Variants in ZNF41 observed in about 807,000 individuals in gnomAD.
The protein encoded by ZNF41 is zinc finger protein 41.
ZNF41 carries 6 observed loss-of-function variants against 9.3 expected under a neutral mutation model. The ratio of observed to expected loss-of-function variants is 0.65; its 90% confidence interval spans 0.35 to 1.28. The LOEUF (loss-of-function observed/expected upper bound fraction) is 1.28, where lower values mean the gene tolerates loss of function less well. Among genes scored for constraint, ZNF41 ranks in the 50% most tolerant of loss-of-function variants. ZNF41 has a pLI of 0.03. For synonymous variants in ZNF41, 192 were observed against 207.1 expected, an observed-to-expected ratio of 0.93 and a Z score of 0.63; for missense variants, 523 against 585.8, an observed-to-expected ratio of 0.89 and a Z score of 1.11.
chrX:47,471,378 G>A (rs956718240), intron 1 of ZNF41, among the ~76,000 whole-genome samples: 1 of 109,566 alleles, frequency 9.1e-6, no homozygotes, highest in African/African-American at 3.3e-5. Context: ...GAACCTGGGA[G>A]GCGGGGGTTA....
rs199987366 is a variant in ZNF41 at position 47,466,210 on chromosome X, T to A, written c.72+1200A>T. ...GTTATAAAATGACCAAAAAAAAAAA[T>A]TTAAAAGTTTAATATTATCCTAATG... On this transcript the variant is annotated intron_variant, in intron 2 of 4. Coordinates refer to ENST00000684689, the MANE Select transcript of ZNF41 (RefSeq NM_001324144.2). Among the ~76,000 whole-genome samples, 3 of 103,836 alleles carry A rather than the reference T, an allele frequency of 2.9e-5. No homozygotes were observed. In the East Asian group the frequency reaches 9.2e-4, roughly 32 times the overall value. The allele number at this position is 103,836 out of a possible 115,157, so 90.2% of individuals were successfully genotyped here. A position where few individuals can be genotyped will look rare whatever the true frequency, so the allele number is the denominator to read the frequency against.
At chrX:47,463,516 G>A (rs1284315335) in intron 2 of ZNF41, among the ~76,000 whole-genome samples, 2 of 111,161 alleles carry the variant, frequency 1.8e-5, no homozygotes, top group Non-Finnish European at 3.8e-5. Flanking sequence ...CTGTTAACTC[G>A]CTTCAGTTAT....
In ZNF41 at chrX:47,448,538, T is replaced by G; in HGVS notation, c.1232A>C (p.Tyr411Ser). The G allele has an allele frequency of 4.1e-6, 5 of 1,211,984 alleles. No homozygotes were observed. Among genetic ancestry groups the G allele is most frequent in the Non-Finnish European group, 5.6e-6 (5 of 895,629 alleles). The stretch of plus-strand genomic sequence containing the variant: ...AGCCTTCCCACATTCATTGCATTCA[T>G]AGTGTTTCTCTCCGGTATGAGTTTT... Reference protein sequence around the residue: ...HQKTHTGEKHYECNECGKAFT... With the variant: ...HQKTHTGEKHSECNECGKAFT... The change falls in exon 5 of 5, where the codon TAT (tyrosine) becomes TCT (serine). Residue 411 changes from tyrosine to serine, a missense_variant. Transcript: ENST00000684689.
intron 1 of ZNF41, among the ~76,000 whole-genome samples, chrX:47,471,728 T>C (rs1391707430): frequency 1.8e-5 from 2 of 111,798 alleles, no homozygotes; most frequent in East Asian, 5.6e-4. Context: ...GTAATTGTAA[T>C]ACCTATATTT....
At chrX:47,482,667 CA>C (rs1316992771) in intron 1 of ZNF41, 1 of 113,051 alleles carries the variant, frequency 8.8e-6, no homozygotes, top group Admixed American at 9.2e-5. Flanking sequence ...GACTCTCAGG[CA>C]AGGAACATGG....
chrX:47,449,385 A>C lies in ZNF41; in HGVS notation c.385T>G (p.Ser129Ala). The C allele has an allele frequency of 8.3e-7, 1 of 1,211,361 alleles. No homozygotes were observed. The highest frequency in any genetic ancestry group is 1.1e-6 in the Non-Finnish European group (1 of 895,169). Residue 129 changes from serine to alanine, a missense_variant, in exon 5 of 5, where the codon TCA becomes GCA. Transcript: ENST00000684689. ...ERFDQPIGED[S>A]LCSILEELWQ... The stretch of plus-strand genomic sequence containing the variant: ...AGTTCTTCTAAAATAGAACATAATG[A>C]ATCTTCTCCTATGGGTTGATCAAAT...
In ZNF41 at chrX:47,448,233, G is replaced by T; in HGVS notation, c.1537C>A (p.His513Asn). ...VFTHRTNLTT[H>N]QKTHTGEKPY... ...TTTTCCCCAGTATGAGTTTTCTGATGTGTGGTGAGGTTTGTCCTGTGAGTG... is the reference window on the plus strand; with the variant it reads ...TTTTCCCCAGTATGAGTTTTCTGATTTGTGGTGAGGTTTGTCCTGTGAGTG... The change falls in exon 5 of 5, where the codon CAT becomes AAT. Residue 513 changes from histidine to asparagine, a missense_variant. Coordinates refer to ENST00000684689, the MANE Select transcript of ZNF41 (RefSeq NM_001324144.2). 3 of 1,211,553 alleles carry T rather than the reference G, an allele frequency of 2.5e-6. No homozygotes were observed. The South Asian group carries it at 5.3e-5, about 21-fold the overall frequency.
intron 2 of ZNF41, among the ~76,000 whole-genome samples, chrX:47,459,900 G>T (rs898959013): frequency 3.7e-5 from 4 of 107,925 alleles, no homozygotes; most frequent in African/African-American, 1.4e-4. Flanking sequence ...CTGAGATCAC[G>T]CCATTGCACT....
rs1273078190 is a variant in ZNF41 at position 47,453,932 on chromosome X, T to G, written c.295+1989A>C. On this transcript the variant is annotated intron_variant, in intron 4 of 4. Transcript: ENST00000684689. ...ACTAAATATACAAGAATTAGCAGAG[T>G]ATGGTGGTGCACATCTGTAATCCCA... Among the ~76,000 whole-genome samples the G allele has an allele frequency of 3.6e-5, 4 of 110,241 alleles. No individual in the cohort carries two copies. The Admixed American group carries it at 3.9e-4, about 11-fold the overall frequency.
chrX:47,454,883 G>A (rs772578304), intron 4 of ZNF41, among the ~76,000 whole-genome samples: 25 of 111,645 alleles, frequency 2.2e-4, no homozygotes, highest in African/African-American at 3.3e-4. Flanking sequence ...ACAATTTCAA[G>A]GTTCAAACAC....
chrX:47,482,178 A>ACCC (rs2147871602), intron 1 of ZNF41, among the ~76,000 whole-genome samples: 1 of 107,857 alleles, frequency 9.3e-6, no homozygotes, highest in South Asian at 4.1e-4. Context: ...CACCCCACAG[A>ACCC]CCCCCTTATT....
intron 2 of ZNF41, among the ~76,000 whole-genome samples, chrX:47,464,500 CTGATGTTTAA>C: frequency 9.0e-6 from 1 of 111,698 alleles, no homozygotes. Context: ...ACCCCGCTCC[CTGATGTTTAA>C]TGAAAAAACC....
At position 47,461,820 on chromosome X, in the gene ZNF41, C is replaced by T. The variant is rs183223680; in HGVS notation, c.73-5422G>A. 6.7e-4 allele frequency among the ~76,000 whole-genome samples: 70 copies of T among 103,774 alleles called. No individual in the cohort carries two copies. In the East Asian group the frequency reaches 0.017, roughly 25 times the overall value. 90.1% of individuals were successfully genotyped at this position (103,774 alleles called of 115,157 possible). ...ACTCCTGGGCTCAAGGGATCCTTCCCGCCTCAGCCTCCTTAGTAGCTGAGA... is the reference window on the plus strand; with the variant it reads ...ACTCCTGGGCTCAAGGGATCCTTCCTGCCTCAGCCTCCTTAGTAGCTGAGA... On this transcript the variant is annotated intron_variant, in intron 2 of 4. Coordinates refer to ENST00000684689, the MANE Select transcript of ZNF41 (RefSeq NM_001324144.2).
chrX:47,461,099 C>CTT (rs372319051), intron 2 of ZNF41, among the ~76,000 whole-genome samples: 3 of 98,106 alleles, frequency 3.1e-5, no homozygotes, highest in Non-Finnish European at 4.2e-5. Context: ...CTTTTCTTTT[C>CTT]TTTTTTTTTT....
In ZNF41 at chrX:47,445,316, G is replaced by A. The variant is rs1460811732; in HGVS notation, c.*2114C>T. ...GAGTTGGTAAGGATGTGGAGAAACCGGAAACCTCATACATTGATAGAATGT... is the reference window on the plus strand; with the variant it reads ...GAGTTGGTAAGGATGTGGAGAAACCAGAAACCTCATACATTGATAGAATGT... On this transcript the variant is annotated 3_prime_UTR_variant, in exon 5 of 5. Coordinates refer to ENST00000684689, the MANE Select transcript of ZNF41 (RefSeq NM_001324144.2). Among the ~76,000 whole-genome samples the A allele has an allele frequency of 2.7e-5, 3 of 111,565 alleles. No homozygotes were observed. The highest frequency in any genetic ancestry group is 5.6e-5 in the Non-Finnish European group (3 of 53,148).
chrX:47,481,056 A>C (rs1464777911), intron 1 of ZNF41, among the ~76,000 whole-genome samples: 1 of 111,658 alleles, frequency 9.0e-6, no homozygotes, highest in South Asian at 3.7e-4. Context: ...TCAAAATCTC[A>C]TATCTAAATA....
intron 1 of ZNF41, among the ~76,000 whole-genome samples, chrX:47,477,793 G>A (rs1039693258): frequency 8.9e-6 from 1 of 112,224 alleles, no homozygotes; most frequent in African/African-American, 3.2e-5. Flanking sequence ...AATCCTAAAA[G>A]GGAAGAGGTA....
chrX:47,447,538 C>T lies in ZNF41; in HGVS notation c.2232G>A (p.Lys744=). The part of the protein sequence containing the change: ...LSMHQIIHTG[K]KPYACTECQK... ...GACATTCTGTACAAGCATAAGGTTT[C>T]TTTCCTGTATGAATTATCTGATGCA... The change falls in exon 5 of 5, where the codon AAG becomes AAA. Residue 744 remains lysine, a synonymous_variant. Coordinates refer to ENST00000684689, the MANE Select transcript of ZNF41 (RefSeq NM_001324144.2). 8.3e-7 allele frequency: 1 copy of T among 1,211,860 alleles called. No individual in the cohort carries two copies. The highest frequency in any genetic ancestry group is 1.1e-6 in the Non-Finnish European group (1 of 895,562).
chrX:47,447,758 G>T lies in ZNF41; in HGVS notation c.2012C>A (p.Ala671Asp), dbSNP rs762982178. 8.3e-7 allele frequency: 1 copy of T among 1,211,511 alleles called. No individual in the cohort carries two copies. Among genetic ancestry groups the T allele is most frequent in the Non-Finnish European group, 1.1e-6 (1 of 895,442 alleles). ...KPNICAECGK[A>D]FTDRSNLITH... ...TATGAGATTTGATCGGTCAGTGAAG[G>T]CCTTTCCACATTCAGCACATATATT... Residue 671 changes from alanine to aspartate, a missense_variant, in exon 5 of 5, where the codon GCC becomes GAC. Physicochemically the swap from Ala to Asp is moderately radical, Grantham distance 126. Coordinates refer to ENST00000684689, the MANE Select transcript of ZNF41 (RefSeq NM_001324144.2).
Sources: gnomAD v4.1 joint callset for allele counts (sites outside exome capture counted in the v4.1 genomes callset) on GRCh38, gnomAD v4.1.1 for gene constraint, MANE v1.5 for transcripts, NCBI Gene and HGNC (gene_info 2026-07-23, HGNC 2026-07-21) for gene names.